The following ELMO1 variants were observed in gnomAD, a reference collection of about 807,000 sequenced individuals.
ELMO1 encodes the protein engulfment and cell motility protein 1.
In ELMO1, 26 loss-of-function variants were observed where a neutral mutation model predicts 98.9. That is an observed-to-expected ratio of 0.26 (90% CI 0.19 to 0.36). ELMO1 has a LOEUF of 0.36. ELMO1 is among the 10% of genes least tolerant of loss of function. The pLI is 1.00. For missense variants in ELMO1, 627 were observed against 935.2 expected (o/e 0.67, Z 4.30); for synonymous variants, 346 against 346.0 (o/e 1.00, Z 0.00).
chr7:37,165,349 C>G (rs988750067), intron 13 of ELMO1, among the ~76,000 whole-genome samples: 4 of 151,306 alleles, frequency 2.6e-5, no homozygotes, highest in African/African-American at 9.7e-5. Context: ...GCCTGATTGC[C>G]CTGGCCAGAA....
rs146525920 is a variant in ELMO1 at position 36,980,650 on chromosome 7, C to T, written c.1437+32649G>A. Reference sequence around the variant, plus strand: ...TCATAGATTGCTTGAAATGAGCTAGCAAATTAGTAGACTTCCAAATCCTGT... The same window carrying T: ...TCATAGATTGCTTGAAATGAGCTAGTAAATTAGTAGACTTCCAAATCCTGT... On this transcript the variant is annotated intron_variant, in intron 16 of 21. Transcript: ENST00000310758. Among the ~76,000 whole-genome samples the T allele has an allele frequency of 1.6e-3, 250 of 152,312 alleles. 5 individuals are homozygous for T. In the East Asian group the frequency reaches 0.034, roughly 21 times the overall value.
intron 13 of ELMO1, among the ~76,000 whole-genome samples, chr7:37,192,373 T>C: frequency 6.6e-6 from 1 of 151,572 alleles, no homozygotes; most frequent in East Asian, 1.9e-4. Flanking sequence ...TGCATGCCTG[T>C]AGTCCCAGCT....
At chr7:37,387,895 A>C (rs1802876936) in intron 1 of ELMO1, among the ~76,000 whole-genome samples, 1 of 152,192 alleles carries the variant, frequency 6.6e-6, no homozygotes, top group Non-Finnish European at 1.5e-5. Flanking sequence ...GCAGTGGCAC[A>C]ATCACAGCAC....
intron 1 of ELMO1, among the ~76,000 whole-genome samples, chr7:37,439,267 T>C (rs149639492): frequency 3.9e-5 from 6 of 152,360 alleles, no homozygotes; most frequent in Admixed American, 3.9e-4. Context: ...GCCCAGCTCC[T>C]GGGATTGCTG....
chr7:37,284,021 T>G (rs1378516603), intron 4 of ELMO1, among the ~76,000 whole-genome samples: 2 of 151,956 alleles, frequency 1.3e-5, no homozygotes, highest in Middle Eastern at 3.2e-3. Context: ...GTGTGAGCAC[T>G]AGGGGAGTAT....
At chr7:37,211,276 T>C in intron 13 of ELMO1, 110 bp downstream of exon 13, 1 of 1,491,904 alleles carries the variant, frequency 6.7e-7, no homozygotes, top group Non-Finnish European at 9.1e-7. Context: ...GTGGAAACTA[T>C]TCCGTAAAGC....
intron 18 of ELMO1, among the ~76,000 whole-genome samples, chr7:36,883,873 G>T (rs1804689461): frequency 6.6e-6 from 1 of 152,202 alleles, no homozygotes; most frequent in South Asian, 2.1e-4. Flanking sequence ...AATCTCTCCT[G>T]CAGGAGTCCA....
rs1316048443 is a variant in ELMO1 at position 37,192,968 on chromosome 7, GAGATATAT to G, written c.1086+18410_1086+18417del. 2.2e-3 allele frequency among the ~76,000 whole-genome samples: 208 copies of G among 94,240 alleles called. 2 individuals carry two copies. Among genetic ancestry groups the G allele is most frequent in the Non-Finnish European group, 3.2e-3 (159 of 49,614 alleles). 61.8% of individuals were successfully genotyped at this position (94,240 alleles called of 152,430 possible). A position where few individuals can be genotyped will look rare whatever the true frequency, so the allele number is the denominator to read the frequency against. Reference sequence around the variant, plus strand: ...ACATATATATTTTTTATATATATAGGAGATATATATATATATATATATATATATATATA... The same window carrying G: ...ACATATATATTTTTTATATATATAGGATATATATATATATATATATATATA... On this transcript the variant is annotated intron_variant, in intron 13 of 21. Coordinates refer to ENST00000310758, the MANE Select transcript of ELMO1 (RefSeq NM_014800.11).
At chr7:37,417,684 A>ACACACACACACACACACACACACACAC (rs765287929) in intron 1 of ELMO1, among the ~76,000 whole-genome samples, 2 of 113,388 alleles carry the variant, frequency 1.8e-5, no homozygotes, top group African/African-American at 5.7e-5. Flanking sequence ...ACACACACAC[A>ACACACACACACACACACACACACACAC]AGCAAAAATT....
Position 36,977,606 on chromosome 7 carries a change from GA to G in ELMO1, c.1437+35692del, listed in dbSNP as rs1790665604. ...CAGTTCAGAAACTTTTGATAAAGTA[GA>G]AAAAATTTGGTCCGCCCAGGTTTCT... On this transcript the variant is annotated intron_variant, in intron 16 of 21. Coordinates refer to ENST00000310758, the MANE Select transcript of ELMO1 (RefSeq NM_014800.11). Among the ~76,000 whole-genome samples, 8 of 152,180 alleles carry G rather than the reference GA, an allele frequency of 5.3e-5. No individual in the cohort carries two copies. In the South Asian group the frequency reaches 1.7e-3, roughly 32 times the overall value.
intron 6 of ELMO1, among the ~76,000 whole-genome samples, chr7:37,249,231 T>C (rs1795183311): frequency 6.6e-6 from 1 of 152,204 alleles, no homozygotes; most frequent in Non-Finnish European, 1.5e-5. Context: ...TAATATGAGA[T>C]GGAGGGAACC....
At chr7:37,183,534 G>A (rs1584776345) in intron 13 of ELMO1, among the ~76,000 whole-genome samples, 1 of 141,770 alleles carries the variant, frequency 7.1e-6, no homozygotes, top group East Asian at 2.1e-4. Flanking sequence ...TAGAAAAGCT[G>A]ACCTCCTGTT....
intron 13 of ELMO1, among the ~76,000 whole-genome samples, chr7:37,140,947 T>C (rs1306121681): frequency 6.6e-6 from 1 of 152,184 alleles, no homozygotes; most frequent in Non-Finnish European, 1.5e-5. Context: ...GGTAAACTAG[T>C]ACAACCACTA....
At chr7:37,174,503 T>C (rs1051090578) in intron 13 of ELMO1, among the ~76,000 whole-genome samples, 4 of 152,174 alleles carry the variant, frequency 2.6e-5, no homozygotes, top group African/African-American at 9.6e-5. Flanking sequence ...CCTGGACACA[T>C]CAGCATGAAG....
intron 13 of ELMO1, among the ~76,000 whole-genome samples, chr7:37,144,639 A>T (rs988212696): frequency 6.6e-6 from 1 of 152,174 alleles, no homozygotes; most frequent in Admixed American, 6.5e-5. Context: ...TTTCTGTTGA[A>T]ATGCTGCTCT....
chr7:37,281,578 G>C (rs1050305744), intron 4 of ELMO1, among the ~76,000 whole-genome samples: 2 of 152,108 alleles, frequency 1.3e-5, no homozygotes, highest in African/African-American at 4.8e-5. Flanking sequence ...ATCACCATGG[G>C]TGAGTGTTAG....
At chr7:37,210,298 T>C (rs1792880712) in intron 13 of ELMO1, among the ~76,000 whole-genome samples, 1 of 152,106 alleles carries the variant, frequency 6.6e-6, no homozygotes, top group South Asian at 2.1e-4. Context: ...CATTGAATCA[T>C]TTAGTAAAAG....
At chr7:36,982,818 A>G (rs970521074) in intron 16 of ELMO1, among the ~76,000 whole-genome samples, 2 of 152,232 alleles carry the variant, frequency 1.3e-5, no homozygotes, top group Admixed American at 1.3e-4. Context: ...ATCCATTTAT[A>G]AAACAGATAG....
chr7:36,991,382 T>C (rs1791867794), intron 16 of ELMO1, among the ~76,000 whole-genome samples: 1 of 152,226 alleles, frequency 6.6e-6, no homozygotes, highest in South Asian at 2.1e-4. Flanking sequence ...GTGGGGACTC[T>C]TCCCCAATGG....
Sources: gnomAD v4.1 joint callset for allele counts (sites outside exome capture counted in the v4.1 genomes callset) on GRCh38, gnomAD v4.1.1 for gene constraint, MANE v1.5 for transcripts, NCBI Gene and HGNC (gene_info 2026-07-23, HGNC 2026-07-21) for gene names.